AGAP1: variants seen among roughly 807,000 people sequenced by gnomAD.
AGAP1 encodes arf-GAP with GTPase, ANK repeat and PH domain-containing protein 1.
Under a neutral mutation model 105.3 loss-of-function variants are expected in AGAP1, and 29 were observed. The observed-to-expected ratio is 0.28, with a 90% confidence interval of 0.21 to 0.38. The LOEUF (loss-of-function observed/expected upper bound fraction) is 0.38, where lower values mean the gene tolerates loss of function less well. Ranked by LOEUF, AGAP1 falls within the 10% of genes least tolerant of loss-of-function variation. The pLI is 1.00. For missense variants in AGAP1, 998 were observed against 1,165.1 expected (o/e 0.86, Z 2.09); for synonymous variants, 509 against 485.9 (o/e 1.05, Z -0.63).
intron 1 of AGAP1, among the ~76,000 whole-genome samples, chr2:235,675,190 GTTTT>G (rs10714704): frequency 3.9e-5 from 5 of 127,278 alleles, no homozygotes; most frequent in African/African-American, 1.5e-4. Context: ...TGGTTGGTTG[GTTTT>G]TTTTTTTTTT....
At chr2:235,545,983 A>G (rs1943610076) in intron 1 of AGAP1, among the ~76,000 whole-genome samples, 1 of 152,104 alleles carries the variant, frequency 6.6e-6, no homozygotes, top group South Asian at 2.1e-4. Flanking sequence ...CCTTGGCCAG[A>G]CCCTCCTCAT....
At chr2:236,111,021 G>A (rs1309409060) in intron 16 of AGAP1, among the ~76,000 whole-genome samples, 2 of 152,140 alleles carry the variant, frequency 1.3e-5, no homozygotes, top group African/African-American at 2.4e-5. Flanking sequence ...TCTTTTATAA[G>A]AGCACTAAAT....
At position 235,662,148 on chromosome 2, in the gene AGAP1, C is replaced by T. The variant is rs769201416; in HGVS notation, c.164-47031C>T. Among the ~76,000 whole-genome samples, 7 of 152,168 alleles carry T rather than the reference C, an allele frequency of 4.6e-5. No homozygotes were observed. Among genetic ancestry groups the T allele is most frequent in the Non-Finnish European group, 1.0e-4 (7 of 68,036 alleles). ...TCCAAGCTGACCACCCTACTCAGCT[C>T]CTTTAGGGTGGAGTGGCTGTAAGGC... On this transcript the variant is annotated intron_variant, in intron 1 of 17. Transcript: ENST00000304032. This position sits in a 1 kb window ranked among gnomAD's most constrained non-coding sequence, Gnocchi z 4.2.
rs141898525 is a variant in AGAP1 at position 235,571,932 on chromosome 2, T to TTGTGTGTGTGTGTGTGTGTGTGTG, written c.163+77087_163+77110dup. ...TCTTTAAAGTTGTCTTGCCCACACT[T>TTGTGTGTGTGTGTGTGTGTGTGTG]TGTGTGTGTGTGTGTGTGTGTGTGT... On this transcript the variant is annotated intron_variant, in intron 1 of 17. Transcript: ENST00000304032. 3.6e-3 allele frequency among the ~76,000 whole-genome samples: 372 copies of TTGTGTGTGTGTGTGTGTGTGTGTG among 103,650 alleles called. 4 individuals are homozygous for TTGTGTGTGTGTGTGTGTGTGTGTG. The highest frequency in any genetic ancestry group is 0.014 in the African/African-American group (348 of 24,478). 68.0% of individuals were successfully genotyped at this position (103,650 alleles called of 152,430 possible). A position where few individuals can be genotyped will look rare whatever the true frequency, so the allele number is the denominator to read the frequency against.
At chr2:235,726,640 C>G (rs1463649727) in intron 3 of AGAP1, among the ~76,000 whole-genome samples, 1 of 152,158 alleles carries the variant, frequency 6.6e-6, no homozygotes, top group Non-Finnish European at 1.5e-5. Context: ...AAGCCCAGCT[C>G]CAGGTCCAGG....
intron 9 of AGAP1, among the ~76,000 whole-genome samples, chr2:235,808,449 T>G (rs190127304): frequency 1.4e-4 from 21 of 152,242 alleles, no homozygotes; most frequent in Admixed American, 7.8e-4. Context: ...GAACGCAGCC[T>G]TAGAGAGGGG....
At chr2:235,766,509 C>T (rs543463724) in intron 6 of AGAP1, among the ~76,000 whole-genome samples, 1 of 152,270 alleles carries the variant, frequency 6.6e-6, no homozygotes, top group Admixed American at 6.5e-5. Flanking sequence ...CCATTTAGAC[C>T]TGTAATAAGA....
At chr2:236,074,005 C>T (rs1018258141) in intron 16 of AGAP1, among the ~76,000 whole-genome samples, 1 of 152,208 alleles carries the variant, frequency 6.6e-6, no homozygotes, top group Non-Finnish European at 1.5e-5. Context: ...GATCTGCCCC[C>T]TGGGGACATT....
At chr2:236,025,043 CAG>C (rs1330748209) in intron 13 of AGAP1, among the ~76,000 whole-genome samples, 2 of 152,154 alleles carry the variant, frequency 1.3e-5, no homozygotes, top group South Asian at 2.1e-4. Flanking sequence ...TTTTCAGGAA[CAG>C]GGGGATTAAT....
intron 1 of AGAP1, among the ~76,000 whole-genome samples, chr2:235,589,498 C>T (rs916812619): frequency 2.6e-5 from 4 of 152,088 alleles, no homozygotes; most frequent in African/African-American, 4.8e-5. Context: ...TGAGCCACCG[C>T]GCCAGTGCTG....
At chr2:235,681,641 A>G (rs1036255522) in intron 1 of AGAP1, among the ~76,000 whole-genome samples, 1 of 152,236 alleles carries the variant, frequency 6.6e-6, no homozygotes, top group African/African-American at 2.4e-5. Flanking sequence ...GCACCTAAAA[A>G]TATAATACAG....
intron 13 of AGAP1, among the ~76,000 whole-genome samples, chr2:236,021,512 G>A (rs760416916): frequency 1.1e-4 from 16 of 152,164 alleles, no homozygotes; most frequent in Non-Finnish European, 2.2e-4. Context: ...TCTGCAAAGT[G>A]GGGAGTGTGT....
intron 1 of AGAP1, among the ~76,000 whole-genome samples, chr2:235,597,340 C>T (rs1945558373): frequency 1.3e-5 from 2 of 152,192 alleles, no homozygotes; most frequent in South Asian, 2.1e-4. Flanking sequence ...GAGATGAGGA[C>T]GGGGCTTGCT....
chr2:236,063,157 A>G (rs1301679668), intron 16 of AGAP1, among the ~76,000 whole-genome samples: 1 of 151,856 alleles, frequency 6.6e-6, no homozygotes, highest in African/African-American at 2.4e-5. Context: ...GCAGTGGCAC[A>G]ATCTCAGCTC....
At chr2:235,675,190 GTT>G (rs10714704) in intron 1 of AGAP1, among the ~76,000 whole-genome samples, 23,481 of 127,178 alleles carry the variant, frequency 0.18, 1,801 homozygotes, top group East Asian at 0.29. Context: ...TGGTTGGTTG[GTT>G]TTTTTTTTTT....
chr2:235,646,843 G>A (rs996361742), intron 1 of AGAP1, among the ~76,000 whole-genome samples: 2 of 152,296 alleles, frequency 1.3e-5, no homozygotes, highest in South Asian at 2.1e-4. Flanking sequence ...ATCACAGAAA[G>A]TCAAGAGTCT....
intron 11 of AGAP1, among the ~76,000 whole-genome samples, chr2:235,929,991 G>A (rs2052646488): frequency 6.6e-6 from 1 of 152,166 alleles, no homozygotes; most frequent in Admixed American, 6.5e-5. Flanking sequence ...AGACCTAACA[G>A]ACTAATTCGC....
intron 1 of AGAP1, among the ~76,000 whole-genome samples, chr2:235,645,425 A>G (rs1308211202): frequency 2.0e-5 from 3 of 152,218 alleles, no homozygotes; most frequent in African/African-American, 7.2e-5. Context: ...CACTATTATT[A>G]GATGGCAACA....
chr2:235,625,143 G>A lies in AGAP1; in HGVS notation c.164-84036G>A, dbSNP rs190266077. ...GATCATTGGATGAGGAAGGCTCTCG[G>A]AATCATTCCAGGTGCCTGCTCTAGA... On this transcript the variant is annotated intron_variant, in intron 1 of 17. Transcript: ENST00000304032. The surrounding 1 kb of genome is among the most constrained non-coding windows in gnomAD (Gnocchi z 4.0). 6.6e-6 allele frequency among the ~76,000 whole-genome samples: 1 copy of A among 152,304 alleles called. No homozygotes were observed. The highest frequency in any genetic ancestry group is 6.5e-5 in the Admixed American group (1 of 15,296).
Sources: allele counts gnomAD v4.1 joint callset (sites outside exome capture counted in the v4.1 genomes callset), GRCh38; gene constraint gnomAD v4.1.1; non-coding constraint Gnocchi (gnomAD v3.1); transcripts MANE v1.5; gene names NCBI Gene and HGNC (gene_info 2026-07-23, HGNC 2026-07-21).